Variants in ITPR1 observed in about 807,000 individuals in gnomAD.
The protein encoded by ITPR1 is inositol 1,4,5-trisphosphate-gated calcium channel ITPR1.
A neutral mutation model predicts 318.4 loss-of-function variants in ITPR1; 96 were observed. The ratio of observed to expected loss-of-function variants is 0.30; its 90% confidence interval spans 0.26 to 0.36. The LOEUF is 0.36. Among genes scored for constraint, ITPR1 ranks in the 10% least tolerant of loss-of-function variants. The pLI is 1.00. For missense variants in ITPR1, 2,440 were observed against 3,460.2 expected (o/e 0.71, Z 7.40); for synonymous variants, 1,312 against 1,289.9 (o/e 1.02, Z -0.37).
At chr3:4,822,851 C>T (rs2049818753) in intron 60 of ITPR1, among the ~76,000 whole-genome samples, 1 of 152,132 alleles carries the variant, frequency 6.6e-6, no homozygotes, top group Non-Finnish European at 1.5e-5. Flanking sequence ...AGAAATGTGA[C>T]TGTGGGGTGA....
chr3:4,622,434 C>G (rs1163493674), intron 4 of ITPR1, among the ~76,000 whole-genome samples: 1 of 147,834 alleles, frequency 6.8e-6, no homozygotes, highest in South Asian at 2.2e-4. Flanking sequence ...TTCTTTCTTT[C>G]TTTATTTTGA....
At chr3:4,536,465 A>G (rs571280228) in intron 4 of ITPR1, among the ~76,000 whole-genome samples, 47 of 152,314 alleles carry the variant, frequency 3.1e-4, no homozygotes, top group African/African-American at 1.1e-3. Flanking sequence ...ACACAGCCTC[A>G]AAGGTCATTG....
At chr3:4,784,987 A>G (rs1438922181) in intron 51 of ITPR1, among the ~76,000 whole-genome samples, 1 of 152,256 alleles carries the variant, frequency 6.6e-6, no homozygotes, top group Non-Finnish European at 1.5e-5. Context: ...GAATGCTCAA[A>G]TTACAGAAGC....
At chr3:4,804,063 G>A (rs2048405001) in intron 54 of ITPR1, among the ~76,000 whole-genome samples, 2 of 152,166 alleles carry the variant, frequency 1.3e-5, no homozygotes, top group South Asian at 4.1e-4. Flanking sequence ...GTAGAGACGA[G>A]GTTTCACCGT....
intron 4 of ITPR1, among the ~76,000 whole-genome samples, chr3:4,608,518 C>T (rs2091856534): frequency 6.6e-6 from 1 of 152,090 alleles, no homozygotes; most frequent in Non-Finnish European, 1.5e-5. Flanking sequence ...AGGAAGGTTT[C>T]CTCCTATGGA....
At chr3:4,679,135 C>G (rs2094246000) in intron 24 of ITPR1, among the ~76,000 whole-genome samples, 1 of 152,120 alleles carries the variant, frequency 6.6e-6, no homozygotes, top group African/African-American at 2.4e-5. Context: ...GACTTAGTCT[C>G]TGATTAGATG....
intron 39 of ITPR1, among the ~76,000 whole-genome samples, chr3:4,716,217 A>G (rs151226006): frequency 1.3e-5 from 2 of 152,218 alleles, no homozygotes; most frequent in African/African-American, 2.4e-5. Flanking sequence ...TGTTGAAAAG[A>G]AAATAACCTC....
At chr3:4,664,935 C>T (rs567226566) in intron 16 of ITPR1, among the ~76,000 whole-genome samples, 6 of 152,120 alleles carry the variant, frequency 3.9e-5, no homozygotes, top group Non-Finnish European at 8.8e-5. Flanking sequence ...TGTATGAGGA[C>T]CAGTGGAGTC....
At chr3:4,801,128 AAGAT>A (rs1483878909) in intron 54 of ITPR1, among the ~76,000 whole-genome samples, 3 of 152,310 alleles carry the variant, frequency 2.0e-5, no homozygotes, top group Non-Finnish European at 4.4e-5. Flanking sequence ...CTACCATTGA[AAGAT>A]AGAAGCCAAT....
intron 4 of ITPR1, among the ~76,000 whole-genome samples, chr3:4,611,794 G>A (rs1174757501): frequency 6.6e-6 from 1 of 151,894 alleles, no homozygotes; most frequent in Non-Finnish European, 1.5e-5. Context: ...TACTTGCTTG[G>A]TTTTTATGAA....
At position 4,579,826 on chromosome 3, in the gene ITPR1, T is replaced by C. The variant is rs186043920; in HGVS notation, c.164-47937T>C. Among the ~76,000 whole-genome samples the C allele has an allele frequency of 3.7e-3, 559 of 152,340 alleles. 8 individuals carry two copies. Among genetic ancestry groups the C allele is most frequent in the African/African-American group, 0.013 (536 of 41,574 alleles). On this transcript the variant is annotated intron_variant, in intron 4 of 61. Coordinates refer to ENST00000649015, the MANE Select transcript of ITPR1 (RefSeq NM_001378452.1). ...GTTCTCCTTCATTGCATTTTCTTTA[T>C]AGTTCCATCCCCCAAAGATTCCAGG... is the stretch of plus-strand genomic sequence containing the variant.
chr3:4,684,091 C>T (rs1370145536), intron 28 of ITPR1, among the ~76,000 whole-genome samples, 190 bp from the exon 29 acceptor site: 1 of 152,206 alleles, frequency 6.6e-6, no homozygotes, highest in Non-Finnish European at 1.5e-5. Flanking sequence ...TAGGCATGGC[C>T]CAGCCCACTA....
intron 43 of ITPR1, 66 bp from the exon 44 acceptor site, chr3:4,735,098 G>A (rs1409724220): frequency 3.9e-6 from 5 of 1,273,758 alleles, no homozygotes; most frequent in Non-Finnish European, 5.6e-6. Flanking sequence ...TTGGTGCGTA[G>A]TAAGTATGCA....
At chr3:4,698,700 T>C (rs1009039898) in intron 34 of ITPR1, among the ~76,000 whole-genome samples, 2 of 152,334 alleles carry the variant, frequency 1.3e-5, no homozygotes, top group East Asian at 1.9e-4. Context: ...AAATCAGTTA[T>C]TAATATCATT....
At chr3:4,504,212 G>A (rs1035442305) in intron 2 of ITPR1, among the ~76,000 whole-genome samples, 6 of 152,268 alleles carry the variant, frequency 3.9e-5, no homozygotes, top group Middle Eastern at 3.4e-3. Flanking sequence ...AAATAACTTT[G>A]TAGATATTGT....
chr3:4,638,172 C>T (rs1297093811), intron 5 of ITPR1, among the ~76,000 whole-genome samples: 2 of 152,130 alleles, frequency 1.3e-5, no homozygotes, highest in African/African-American at 4.8e-5. Context: ...CCACTGGCAC[C>T]TGGTAGCATC....
chr3:4,508,531 A>C (rs997384042), intron 2 of ITPR1, among the ~76,000 whole-genome samples: 12 of 151,148 alleles, frequency 7.9e-5, no homozygotes, highest in Non-Finnish European at 1.6e-4. Flanking sequence ...TAGATGGAAA[A>C]ATTTCAATAA....
At chr3:4,553,462 G>T (rs1246865867) in intron 4 of ITPR1, among the ~76,000 whole-genome samples, 1 of 152,010 alleles carries the variant, frequency 6.6e-6, no homozygotes, top group African/African-American at 2.4e-5. Flanking sequence ...GGAGGGTCTT[G>T]CTGTGTCACC....
At chr3:4,724,654 C>T (rs1348878683) in intron 40 of ITPR1, among the ~76,000 whole-genome samples, 2 of 152,170 alleles carry the variant, frequency 1.3e-5, no homozygotes, top group African/African-American at 4.8e-5. Context: ...TTCTCTGCTC[C>T]AGGCACATGT....
Sources: allele counts gnomAD v4.1 joint callset (sites outside exome capture counted in the v4.1 genomes callset), GRCh38; gene constraint gnomAD v4.1.1; transcripts MANE v1.5; gene names NCBI Gene and HGNC (gene_info 2026-07-23, HGNC 2026-07-21).